The following KCNT1 variants were observed in gnomAD, a reference collection of about 807,000 sequenced individuals.
KCNT1 encodes the protein potassium channel subfamily T member 1.
In KCNT1, 78 loss-of-function variants were observed where a neutral mutation model predicts 147.8. The ratio of observed to expected loss-of-function variants is 0.53; its 90% CI spans 0.44 to 0.64. The LOEUF is 0.64. KCNT1 is among the 30% of genes least tolerant of loss of function. KCNT1 has a pLI of 0.00. For missense variants in KCNT1, 1,419 were observed against 1,750.3 expected, an observed-to-expected ratio of 0.81 and a Z score of 3.38; for synonymous variants, 867 against 748.8, an observed-to-expected ratio of 1.16 and a Z score of -2.58.
chr9:135,729,992 G>C (rs996880335), intron 2 of KCNT1, among the ~76,000 whole-genome samples: 5 of 152,156 alleles, frequency 3.3e-5, no homozygotes, highest in Non-Finnish European at 7.3e-5. Flanking sequence ...TCCCAAGCCT[G>C]TCCTTCCACT....
At chr9:135,788,179 G>T in intron 29 of KCNT1, 1 of 1,608,390 alleles carries the variant, frequency 6.2e-7, no homozygotes, top group Non-Finnish European at 8.5e-7. Flanking sequence ...CTGCCCTGGC[G>T]GGTGCCGACC....
At chr9:135,738,880 C>A (rs539223968) in intron 2 of KCNT1, among the ~76,000 whole-genome samples, 1 of 152,160 alleles carries the variant, frequency 6.6e-6, no homozygotes, top group Non-Finnish European at 1.5e-5. Flanking sequence ...GATTAGACAG[C>A]GTGGCTTCAG....
chr9:135,713,301 G>A (rs1477298493), intron 1 of KCNT1, among the ~76,000 whole-genome samples: 15 of 152,280 alleles, frequency 9.9e-5, no homozygotes, highest in Admixed American at 8.5e-4. Context: ...GATGCAGTTA[G>A]GAAAATGTTA....
chr9:135,769,647 CAG>C (rs1467302220), intron 15 of KCNT1, among the ~76,000 whole-genome samples: 4 of 152,118 alleles, frequency 2.6e-5, no homozygotes, highest in Admixed American at 6.5e-5. Context: ...GCCCAGGGGA[CAG>C]GGGTCAGGGC....
At chr9:135,780,273 C>T (rs1352533572) in intron 24 of KCNT1, among the ~76,000 whole-genome samples, 3 of 152,182 alleles carry the variant, frequency 2.0e-5, no homozygotes, top group South Asian at 4.1e-4. Context: ...CTGCTCTACA[C>T]GAACCCCGAG....
At chr9:135,710,330 A>G (rs1835434940) in intron 1 of KCNT1, among the ~76,000 whole-genome samples, 1 of 152,218 alleles carries the variant, frequency 6.6e-6, no homozygotes, top group South Asian at 2.1e-4. Context: ...GGCTGGAGCC[A>G]GGTACTGGGT....
Position 135,731,991 on chromosome 9 carries a change from T to TAGAGAGAG in KCNT1, c.254+17314_254+17321dup, listed in dbSNP as rs1189149987. ...ATATATATATATATATATATATATA[T>TAGAGAGAG]AGAGAGAGAGAGAGAGAGAGAGAGA... On this transcript the variant is annotated intron_variant, in intron 2 of 30. Transcript: ENST00000371757. Among the ~76,000 whole-genome samples, 102 of 21,676 alleles carry TAGAGAGAG rather than the reference T, an allele frequency of 4.7e-3. 6 individuals are homozygous for TAGAGAGAG. Among genetic ancestry groups the TAGAGAGAG allele is most frequent in the African/African-American group, 8.7e-3 (50 of 5,716 alleles). 14.2% of individuals were successfully genotyped at this position (21,676 alleles called of 152,430 possible).
At position 135,778,469 on chromosome 9, in the gene KCNT1, C is replaced by T. The variant is rs1554777911; in HGVS notation, c.2568C>T (p.Val856=). The T allele has an allele frequency of 1.3e-6, 2 of 1,558,018 alleles. No homozygotes were observed. The highest frequency in any genetic ancestry group is 1.9e-5 in the Admixed American group (1 of 51,560). Residue 856 remains valine, a synonymous_variant, in exon 22 of 31, where the codon GTC becomes GTT. Transcript: ENST00000371757. ...AAGCCATCTGCTGCTTCCCCATGGT[C>T]TACTACATGGAGGGCTCTGTGGACA... is the stretch of plus-strand genomic sequence containing the variant. ...FLEAICCFPM[V]YYMEGSVDNL...
At chr9:135,709,037 G>A (rs1016556431) in intron 1 of KCNT1, among the ~76,000 whole-genome samples, 1 of 152,164 alleles carries the variant, frequency 6.6e-6, no homozygotes, top group Non-Finnish European at 1.5e-5. Flanking sequence ...CACACATCGT[G>A]CATGATGTAT....
In KCNT1 at chr9:135,792,346, C is replaced by A. The variant is rs1834603691; in HGVS notation, c.*185C>A. The stretch of plus-strand genomic sequence containing the variant: ...GGGGGAGGGCCAGCTCACCCCTGGG[C>A]ACCTGCAGGCTAGTGAGGAGAGTTT... On this transcript the variant is annotated 3_prime_UTR_variant, in exon 31 of 31. Coordinates refer to ENST00000371757, the MANE Select transcript of KCNT1 (RefSeq NM_020822.3). The A allele has an allele frequency of 1.5e-6, 1 of 660,822 alleles. No homozygotes were observed. The highest frequency in any genetic ancestry group is 2.5e-6 in the Non-Finnish European group (1 of 401,260). The allele number at this position is 660,822 out of a possible 1,614,324, so 40.9% of individuals were successfully genotyped here. A position where few individuals can be genotyped will look rare whatever the true frequency, so the allele number is the denominator to read the frequency against.
intron 21 of KCNT1, 132 bp from the exon 22 acceptor site, chr9:135,778,292 G>A: frequency 1.4e-6 from 1 of 735,604 alleles, no homozygotes; most frequent in Non-Finnish European, 2.3e-6. Context: ...GTACTCCCCA[G>A]GTCCCATACG....
chr9:135,771,110 G>C lies in KCNT1; in HGVS notation c.2008+15G>C. 6.2e-7 allele frequency: 1 copy of C among 1,601,588 alleles called. No homozygotes were observed. Among genetic ancestry groups the C allele is most frequent in the Non-Finnish European group, 8.5e-7 (1 of 1,172,882 alleles). Reference sequence around the variant, plus strand: ...CGCCTCCATGGGTGAGCCGGGACAGGCGCGCGGGACTCCCTGGGCCTGCTC... The same window carrying C: ...CGCCTCCATGGGTGAGCCGGGACAGCCGCGCGGGACTCCCTGGGCCTGCTC... On this transcript the variant is annotated intron_variant, in intron 18 of 30. Transcript: ENST00000371757.
In KCNT1 at chr9:135,794,277, C is replaced by G. The variant is rs1588426685; in HGVS notation, c.*2116C>G. On this transcript the variant is annotated 3_prime_UTR_variant, in exon 31 of 31. Transcript: ENST00000371757. ...CTGTGGCCACTCCACCACCATGAGGCCGGGAGGCATCTTAGCCTTTGAGCC... is the reference window on the plus strand; with the variant it reads ...CTGTGGCCACTCCACCACCATGAGGGCGGGAGGCATCTTAGCCTTTGAGCC... 6.6e-6 allele frequency: 1 copy of G among 152,262 alleles called. No individual in the cohort carries two copies. The highest frequency in any genetic ancestry group is 6.5e-5 in the Admixed American group (1 of 15,288). The allele number at this position is 152,262 out of a possible 1,614,324, so 9.4% of individuals were successfully genotyped here. A position where few individuals can be genotyped will look rare whatever the true frequency, so the allele number is the denominator to read the frequency against.
In KCNT1 at chr9:135,784,897, G is replaced by A. The variant is rs764262230; in HGVS notation, c.3156+8G>A. 1 of 1,611,400 alleles carries A rather than the reference G, an allele frequency of 6.2e-7. No homozygotes were observed. The highest frequency in any genetic ancestry group is 1.7e-4 in the Middle Eastern group (1 of 6,060). On this transcript the variant is annotated splice_region_variant and intron_variant, in intron 27 of 30. Transcript: ENST00000371757. ...GTCTTCTCCACCTCGGAGGTTCTGG[G>A]GCAGCCTGGGGGCTGGGACTGTGGC...
At chr9:135,745,485 G>T (rs1000979819) in intron 2 of KCNT1, among the ~76,000 whole-genome samples, 1 of 152,242 alleles carries the variant, frequency 6.6e-6, no homozygotes, top group Non-Finnish European at 1.5e-5. Context: ...TGAGTCGAAG[G>T]CCTGCGCTGT....
At chr9:135,788,273 G>A in intron 29 of KCNT1, 1 of 912,980 alleles carries the variant, frequency 1.1e-6, no homozygotes, top group Middle Eastern at 2.5e-4. Flanking sequence ...GGAGCTGTGA[G>A]AGCACGTCCC....
In KCNT1 at chr9:135,793,664, T is replaced by C. The variant is rs905326643; in HGVS notation, c.*1503T>C. 1 of 152,374 alleles carries C rather than the reference T, an allele frequency of 6.6e-6. No homozygotes were observed. The highest frequency in any genetic ancestry group is 2.4e-5 in the African/African-American group (1 of 41,460). 9.4% of individuals were successfully genotyped at this position (152,374 alleles called of 1,614,324 possible). A position where few individuals can be genotyped will look rare whatever the true frequency, so the allele number is the denominator to read the frequency against. On this transcript the variant is annotated 3_prime_UTR_variant, in exon 31 of 31. Coordinates refer to ENST00000371757, the MANE Select transcript of KCNT1 (RefSeq NM_020822.3). ...TCAGGGCAGACAACACAGCAGCTGC[T>C]GGAGGGGCCGGCCCTGGCCACACAG...
At chr9:135,779,651 C>T (rs901514391) in intron 24 of KCNT1, among the ~76,000 whole-genome samples, 181 bp downstream of exon 24, 1 of 152,150 alleles carries the variant, frequency 6.6e-6, no homozygotes, top group Admixed American at 6.5e-5. Flanking sequence ...ATGGTGGAAC[C>T]AGGAGATGGA....
intron 10 of KCNT1, among the ~76,000 whole-genome samples, chr9:135,759,225 C>A (rs956702483): frequency 6.6e-6 from 1 of 152,182 alleles, no homozygotes. Context: ...CTGGCTGTGC[C>A]GGGCAGAGGC....
Sources: gnomAD v4.1 joint callset for allele counts (sites outside exome capture counted in the v4.1 genomes callset) on GRCh38, gnomAD v4.1.1 for gene constraint, MANE v1.5 for transcripts, NCBI Gene and HGNC (gene_info 2026-07-23, HGNC 2026-07-21) for gene names.